The following PMFBP1 variants were observed in gnomAD, a reference collection of about 807,000 sequenced individuals.
PMFBP1 encodes polyamine modulated factor 1 binding protein 1, also known as polyamine-modulated factor 1-binding protein 1.
A neutral mutation model predicts 137.8 loss-of-function variants in PMFBP1; 131 were observed. The observed-to-expected ratio is 0.95, with a 90% CI of 0.82 to 1.10. The LOEUF is 1.10. Among genes scored for constraint, PMFBP1 ranks in the 50% least tolerant of loss-of-function variants. The pLI is 0.00. For synonymous variants in PMFBP1, 490 were observed against 450.4 expected, an observed-to-expected ratio of 1.09 and a Z score of -1.11; for missense variants, 1,199 against 1,175.4, an observed-to-expected ratio of 1.02 and a Z score of -0.29.
intron 17 of PMFBP1, 107 bp downstream of exon 17, chr16:72,124,660 G>A (rs1389298203): frequency 7.3e-7 from 1 of 1,370,056 alleles, no homozygotes; most frequent in African/African-American, 1.5e-5. Flanking sequence ...CCTTTCCTTT[G>A]CTCCCAGGCT....
the PMFBP1 span, among the ~76,000 whole-genome samples, chr16:72,206,608 G>A: frequency 1.3e-5 from 2 of 152,184 alleles, no homozygotes; most frequent in Admixed American, 1.3e-4. Context: ...TGGAGCTAAG[G>A]CCCCAGGAGG....
chr16:72,239,384 T>C, the PMFBP1 span, among the ~76,000 whole-genome samples: 1 of 152,214 alleles, frequency 6.6e-6, no homozygotes, highest in Non-Finnish European at 1.5e-5. Flanking sequence ...ACATGATACA[T>C]AATCTTTTGA....
chr16:72,228,727 C>T, the PMFBP1 span, among the ~76,000 whole-genome samples: 3 of 152,106 alleles, frequency 2.0e-5, no homozygotes, highest in Middle Eastern at 3.2e-3. Context: ...AAGCAGATTA[C>T]TGGGTCAAAA....
At chr16:72,249,920 C>CAAAAAAAAA in the PMFBP1 span, among the ~76,000 whole-genome samples, 14 of 30,114 alleles carry the variant, frequency 4.6e-4, no homozygotes, top group Non-Finnish European at 6.0e-4. Flanking sequence ...GACTCCATCG[C>CAAAAAAAAA]AAAAAAAAAA....
the PMFBP1 span, among the ~76,000 whole-genome samples, chr16:72,211,215 A>C: frequency 6.6e-6 from 1 of 152,170 alleles, no homozygotes; most frequent in Non-Finnish European, 1.5e-5. Flanking sequence ...GTGTGTGGTG[A>C]GTGTGATATG....
intron 1 of PMFBP1, chr16:72,171,844 A>T (rs1022673860): frequency 1.3e-5 from 2 of 152,290 alleles, no homozygotes; most frequent in African/African-American, 4.8e-5. Context: ...GCTTGCCATA[A>T]TGTTGATGCT....
chr16:72,207,989 A>G, the PMFBP1 span, among the ~76,000 whole-genome samples: 2 of 152,168 alleles, frequency 1.3e-5, no homozygotes, highest in East Asian at 3.9e-4. Context: ...GAAAAAGCCA[A>G]TGTCCCAGCT....
chr16:72,188,395 C>T, the PMFBP1 span, among the ~76,000 whole-genome samples: 1 of 152,224 alleles, frequency 6.6e-6, no homozygotes, highest in Non-Finnish European at 1.5e-5. Context: ...CTCTTACGTG[C>T]TCCCTAACCC....
intron 5 of PMFBP1, among the ~76,000 whole-genome samples, chr16:72,141,085 C>A (rs905359944): frequency 6.6e-6 from 1 of 152,002 alleles, no homozygotes; most frequent in Non-Finnish European, 1.5e-5. Context: ...CAGGCATGTG[C>A]CACCATGCCG....
chr16:72,240,076 C>T, the PMFBP1 span, among the ~76,000 whole-genome samples: 2 of 152,004 alleles, frequency 1.3e-5, no homozygotes, highest in Non-Finnish European at 2.9e-5. Flanking sequence ...AACATTTCAG[C>T]TAGAGATTAG....
At chr16:72,244,223 AC>A in the PMFBP1 span, among the ~76,000 whole-genome samples, 1 of 152,210 alleles carries the variant, frequency 6.6e-6, no homozygotes, top group Non-Finnish European at 1.5e-5. Context: ...TATTAAAAAA[AC>A]AAACCCTGCA....
the PMFBP1 span, among the ~76,000 whole-genome samples, chr16:72,211,715 C>G: frequency 6.6e-6 from 1 of 152,146 alleles, no homozygotes; most frequent in Non-Finnish European, 1.5e-5. Context: ...ATTTCTAGGG[C>G]CCGGCATAGT....
At chr16:72,229,950 A>T in the PMFBP1 span, among the ~76,000 whole-genome samples, 1 of 152,216 alleles carries the variant, frequency 6.6e-6, no homozygotes, top group Non-Finnish European at 1.5e-5. Flanking sequence ...CCAGCAGCAC[A>T]TATTACCAGA....
chr16:72,185,857 C>G, the PMFBP1 span, among the ~76,000 whole-genome samples: 1 of 152,160 alleles, frequency 6.6e-6, no homozygotes, highest in African/African-American at 2.4e-5. Context: ...AGCACACACT[C>G]TCTCCAGAGG....
chr16:72,221,163 CT>C, the PMFBP1 span, among the ~76,000 whole-genome samples: 1 of 152,152 alleles, frequency 6.6e-6, no homozygotes, highest in Non-Finnish European at 1.5e-5. Flanking sequence ...TCCTCGCCCC[CT>C]GCCACCCCTG....
the PMFBP1 span, among the ~76,000 whole-genome samples, chr16:72,225,648 G>A: frequency 7.5e-4 from 113 of 151,004 alleles, 1 homozygote; most frequent in African/African-American, 2.6e-3. Context: ...GGGAGTTCAA[G>A]GTTACAGTGA....
intron 3 of PMFBP1, among the ~76,000 whole-genome samples, chr16:72,162,217 G>C (rs1288843796): frequency 1.3e-5 from 2 of 152,220 alleles, no homozygotes; most frequent in Non-Finnish European, 2.9e-5. Flanking sequence ...GAGGCACTCA[G>C]TCTCAGGGTG....
upstream of PMFBP1, among the ~76,000 whole-genome samples, chr16:72,175,924 T>C (rs969595830): frequency 9.9e-5 from 15 of 152,176 alleles, no homozygotes; most frequent in Non-Finnish European, 4.4e-5. Flanking sequence ...GAAAGTATGA[T>C]TGGAGCCAAT....
chr16:72,201,605 C>T, the PMFBP1 span, among the ~76,000 whole-genome samples: 1 of 152,176 alleles, frequency 6.6e-6, no homozygotes. Context: ...AGCAAAGCTG[C>T]CAATCACAAT....
Sources: allele counts gnomAD v4.1 joint callset (sites outside exome capture counted in the v4.1 genomes callset), GRCh38; gene constraint gnomAD v4.1.1; transcripts MANE v1.5; gene names NCBI Gene and HGNC (gene_info 2026-07-23, HGNC 2026-07-21).